The following WWC2 variants were observed in gnomAD, a reference collection of about 807,000 sequenced individuals.
WWC2 encodes the protein WW and C2 domain containing 2.
In WWC2, 101 loss-of-function variants were observed where a neutral mutation model predicts 138.5. That is an observed-to-expected ratio of 0.73 (90% confidence interval 0.62 to 0.86). WWC2 has a LOEUF of 0.86. Among genes scored for constraint, WWC2 ranks in the 40% least tolerant of loss-of-function variants. WWC2 has a pLI of 0.00. For missense variants in WWC2, 1,420 were observed against 1,419.4 expected (o/e 1.00, Z -0.01); for synonymous variants, 558 against 538.4 (o/e 1.04, Z -0.50).
chr4:183,221,064 G>A (rs1046982999), intron 4 of WWC2, among the ~76,000 whole-genome samples: 7 of 152,136 alleles, frequency 4.6e-5, no homozygotes, highest in African/African-American at 1.7e-4. Flanking sequence ...AGCTGCAACA[G>A]ACCTACTTTA....
chr4:183,132,492 C>A (rs1393783017), intron 1 of WWC2, among the ~76,000 whole-genome samples: 3 of 149,178 alleles, frequency 2.0e-5, no homozygotes, highest in African/African-American at 7.4e-5. Context: ...CTCGCTCTGT[C>A]GCCCAGGCTG....
At chr4:183,144,348 A>C (rs747161363) in intron 1 of WWC2, among the ~76,000 whole-genome samples, 15 of 152,192 alleles carry the variant, frequency 9.9e-5, no homozygotes, top group Non-Finnish European at 2.2e-4. Flanking sequence ...AAATGTCACC[A>C]TTTGACATGA....
At chr4:183,194,179 C>T (rs1169211655) in intron 2 of WWC2, among the ~76,000 whole-genome samples, 1 of 152,172 alleles carries the variant, frequency 6.6e-6, no homozygotes, top group Non-Finnish European at 1.5e-5. Flanking sequence ...GGTCCTAAAC[C>T]TCTTCCTTTT....
chr4:183,205,928 C>T (rs773371332), intron 2 of WWC2, among the ~76,000 whole-genome samples: 6 of 152,158 alleles, frequency 3.9e-5, no homozygotes, highest in Non-Finnish European at 7.3e-5. Flanking sequence ...AGCATTCACT[C>T]ACAGACTTCT....
chr4:183,273,205 C>T (rs144493632), intron 16 of WWC2, among the ~76,000 whole-genome samples: 157 of 147,738 alleles, frequency 1.1e-3, no homozygotes, highest in African/African-American at 3.7e-3. Context: ...TGGTGAGCAT[C>T]ACAGCCTTAT....
intron 15 of WWC2, 49 bp downstream of exon 15, chr4:183,269,212 G>A: frequency 6.4e-7 from 1 of 1,555,014 alleles, no homozygotes; most frequent in Non-Finnish European, 8.7e-7. Flanking sequence ...AGATTGGGTG[G>A]TCTGAGGATA....
chr4:183,236,070 A>G (rs960675867), intron 4 of WWC2, among the ~76,000 whole-genome samples: 2 of 152,168 alleles, frequency 1.3e-5, no homozygotes, highest in African/African-American at 4.8e-5. Flanking sequence ...TCTTCTGCAT[A>G]TGGATATTTA....
chr4:183,302,509 G>GA, intron 21 of WWC2, among the ~76,000 whole-genome samples: 1 of 152,188 alleles, frequency 6.6e-6, no homozygotes, highest in Non-Finnish European at 1.5e-5. Context: ...CTGAGTCAAT[G>GA]TCGACGTCGA....
intron 1 of WWC2, among the ~76,000 whole-genome samples, chr4:183,110,126 C>CCCCAGT (rs1291076824): frequency 6.6e-6 from 1 of 152,182 alleles, no homozygotes; most frequent in Admixed American, 6.5e-5. Context: ...GACAGCTCAA[C>CCCCAGT]CCCAGTCACT....
chr4:183,177,566 A>G (rs929020646), intron 1 of WWC2, among the ~76,000 whole-genome samples: 14 of 152,172 alleles, frequency 9.2e-5, no homozygotes, highest in African/African-American at 3.1e-4. Flanking sequence ...CCTCTTCTTA[A>G]TAAATACATT....
intron 2 of WWC2, among the ~76,000 whole-genome samples, chr4:183,197,141 A>G (rs2111218553): frequency 6.6e-6 from 1 of 152,340 alleles, no homozygotes; most frequent in South Asian, 2.1e-4. Context: ...CATTTCAAGT[A>G]TAAATTATGT....
At chr4:183,169,298 G>A (rs915406890) in intron 1 of WWC2, among the ~76,000 whole-genome samples, 1 of 152,138 alleles carries the variant, frequency 6.6e-6, no homozygotes, top group Non-Finnish European at 1.5e-5. Context: ...TTTACGTGTT[G>A]CTATAAAGCT....
In WWC2 at chr4:183,149,226, G is replaced by A. The variant is rs372731880; in HGVS notation, c.132-44373G>A. 4.9e-4 allele frequency among the ~76,000 whole-genome samples: 75 copies of A among 152,278 alleles called. 1 individual carries two copies. The East Asian group carries it at 0.01, about 20-fold the overall frequency. Reference sequence around the variant, plus strand: ...CTTTTACAGTCCCCTTCTCATAAAAGTAATTATCCTGACCTTTATGGCAAT... The same window carrying A: ...CTTTTACAGTCCCCTTCTCATAAAAATAATTATCCTGACCTTTATGGCAAT... On this transcript the variant is annotated intron_variant, in intron 1 of 22. Transcript: ENST00000403733.
intron 16 of WWC2, among the ~76,000 whole-genome samples, chr4:183,276,069 C>T (rs1406973836): frequency 1.3e-5 from 2 of 152,030 alleles, no homozygotes; most frequent in Non-Finnish European, 2.9e-5. Context: ...ATAAAATGTT[C>T]CTTTTTATTG....
At chr4:183,281,665 TATATC>T (rs1041535991) in intron 17 of WWC2, among the ~76,000 whole-genome samples, 1 of 152,176 alleles carries the variant, frequency 6.6e-6, no homozygotes, top group African/African-American at 2.4e-5. Context: ...AGTGACACGA[TATATC>T]ATAAATAACG....
At chr4:183,154,140 CTTTTT>C (rs1012151499) in intron 1 of WWC2, among the ~76,000 whole-genome samples, 1 of 149,204 alleles carries the variant, frequency 6.7e-6, no homozygotes, top group African/African-American at 2.5e-5. Context: ...CTTATTTGAT[CTTTTT>C]AAGCACATTT....
At chr4:183,147,331 G>A (rs1476409448) in intron 1 of WWC2, among the ~76,000 whole-genome samples, 3 of 152,192 alleles carry the variant, frequency 2.0e-5, no homozygotes. Context: ...TTTGCCCAAA[G>A]CTACACAGCT....
intron 2 of WWC2, among the ~76,000 whole-genome samples, chr4:183,197,397 G>A (rs139950245): frequency 4.6e-5 from 7 of 152,284 alleles, no homozygotes; most frequent in Admixed American, 1.3e-4. Context: ...CACATATGTT[G>A]TGTTCTGACA....
At chr4:183,299,831 A>G (rs1378811152) in intron 21 of WWC2, among the ~76,000 whole-genome samples, 2 of 152,280 alleles carry the variant, frequency 1.3e-5, no homozygotes, top group East Asian at 1.9e-4. Flanking sequence ...AGGATGAGCA[A>G]AGAGCCTGCC....
Sources: gnomAD v4.1 joint callset for allele counts (sites outside exome capture counted in the v4.1 genomes callset) on GRCh38, gnomAD v4.1.1 for gene constraint, MANE v1.5 for transcripts, NCBI Gene and HGNC (gene_info 2026-07-23, HGNC 2026-07-21) for gene names.